Variants in SEC23A observed in about 807,000 individuals in gnomAD.
The protein encoded by SEC23A is SEC23 homolog A, COPII component.
In SEC23A, 56 loss-of-function variants were observed where a neutral mutation model predicts 103.7. The ratio of observed to expected loss-of-function variants is 0.54; its 90% CI spans 0.44 to 0.67. The LOEUF is 0.67. Ranked by LOEUF, SEC23A falls within the 30% of genes least tolerant of loss-of-function variation. The pLI is 0.00. For synonymous variants in SEC23A, 281 were observed against 293.0 expected, an observed-to-expected ratio of 0.96 and a Z score of 0.42; for missense variants, 784 against 936.4, an observed-to-expected ratio of 0.84 and a Z score of 2.12.
At chr14:39,093,273 C>T (rs1234547797) in intron 2 of SEC23A, 29 bp from the exon 3 acceptor site, 1 of 1,573,504 alleles carries the variant, frequency 6.4e-7, no homozygotes, top group Admixed American at 1.7e-5. Context: ...AAAGACATAT[C>T]AGTTCATATT....
At chr14:39,073,641 ACT>A (rs751793526) in intron 9 of SEC23A, among the ~76,000 whole-genome samples, 1 of 130,818 alleles carries the variant, frequency 7.6e-6, no homozygotes, top group South Asian at 2.5e-4. Context: ...ACGGAGTCTA[ACT>A]CTATCGCCAA....
chr14:39,051,068 T>A (rs1886041494), intron 14 of SEC23A, among the ~76,000 whole-genome samples: 1 of 152,234 alleles, frequency 6.6e-6, no homozygotes, highest in South Asian at 2.1e-4. Context: ...GTTAATACTG[T>A]TTAGGTATTA....
Position 39,092,524 on chromosome 14 carries a change from TGTTCTTAG to T in SEC23A, c.366+9_366+16del. On this transcript the variant is annotated intron_variant, in intron 4 of 19. Transcript: ENST00000307712. ...AAATTTTAAAACTTTCTTAAATATT[TGTTCTTAG>T]GTTCTTACCAGAACTACATATTCAA... is the stretch of plus-strand genomic sequence containing the variant. 6.9e-7 allele frequency: 1 copy of T among 1,456,690 alleles called. No individual in the cohort carries two copies. The highest frequency in any genetic ancestry group is 1.2e-5 in the South Asian group (1 of 83,942). The allele number at this position is 1,456,690 out of a possible 1,614,324, so 90.2% of individuals were successfully genotyped here. A position where few individuals can be genotyped will look rare whatever the true frequency, so the allele number is the denominator to read the frequency against.
At chr14:39,067,100 A>G in intron 10 of SEC23A, 73 bp downstream of exon 10, 2 of 1,554,924 alleles carry the variant, frequency 1.3e-6, no homozygotes, top group East Asian at 2.3e-5. Flanking sequence ...GATTAATGGC[A>G]TTTTAGAATT....
rs1566515353 is a variant in SEC23A at position 39,094,438 on chromosome 14, ATATAT to A, written c.222-1199_222-1195del. The stretch of plus-strand genomic sequence containing the variant: ...TATATATATATATATATATATATAT[ATATAT>A]TTTTTTTTTTTTTTTTTCCCCTCCT... On this transcript the variant is annotated intron_variant, in intron 2 of 19. Coordinates refer to ENST00000307712, the MANE Select transcript of SEC23A (RefSeq NM_006364.4). Among the ~76,000 whole-genome samples, 22 of 15,670 alleles carry A rather than the reference ATATAT, an allele frequency of 1.4e-3. 3 individuals carry two copies. The highest frequency in any genetic ancestry group is 5.7e-3 in the South Asian group (3 of 522). 10.3% of individuals were successfully genotyped at this position (15,670 alleles called of 152,430 possible). A position where few individuals can be genotyped will look rare whatever the true frequency, so the allele number is the denominator to read the frequency against.
In SEC23A at chr14:39,103,045, G is replaced by A. The variant is rs925889549; in HGVS notation, c.-35C>T. 6.5e-6 allele frequency: 1 copy of A among 153,092 alleles called. No homozygotes were observed. The highest frequency in any genetic ancestry group is 2.4e-5 in the African/African-American group (1 of 41,570). The allele number at this position is 153,092 out of a possible 1,614,324, so 9.5% of individuals were successfully genotyped here. A position where few individuals can be genotyped will look rare whatever the true frequency, so the allele number is the denominator to read the frequency against. ...CCCGCTGCGCACCTGCGGTCCCCCA[G>A]GAGCGGAGACGAGGCGGCCCTTTCC... On this transcript the variant is annotated 5_prime_UTR_variant, in exon 1 of 20. Coordinates refer to ENST00000307712, the MANE Select transcript of SEC23A (RefSeq NM_006364.4).
intron 7 of SEC23A, among the ~76,000 whole-genome samples, chr14:39,081,199 C>A (rs1310111429): frequency 6.7e-6 from 1 of 148,756 alleles, no homozygotes; most frequent in East Asian, 2.0e-4. Flanking sequence ...GCAACAGAGG[C>A]TCTGTTTAAA....
intron 13 of SEC23A, among the ~76,000 whole-genome samples, chr14:39,057,400 G>A (rs1886285527): frequency 6.6e-6 from 1 of 152,100 alleles, no homozygotes. Context: ...CACCCAAGCT[G>A]GAATGAAGTG....
chr14:39,051,918 G>A (rs1343521251), intron 14 of SEC23A, among the ~76,000 whole-genome samples: 1 of 151,472 alleles, frequency 6.6e-6, no homozygotes, highest in Non-Finnish European at 1.5e-5. Flanking sequence ...AGTGAGCCGA[G>A]ATCGTGCCAC....
At chr14:39,046,297 C>T (rs777215982) in intron 15 of SEC23A, among the ~76,000 whole-genome samples, 2 of 151,964 alleles carry the variant, frequency 1.3e-5, no homozygotes, top group Non-Finnish European at 2.9e-5. Context: ...GGTGAAACCC[C>T]GTCTCTACTA....
Position 39,055,241 on chromosome 14 carries a change from C to T in SEC23A, c.1561G>A (p.Ala521Thr). 2 of 1,614,138 alleles carry T rather than the reference C, an allele frequency of 1.2e-6. No homozygotes were observed. Among genetic ancestry groups the T allele is most frequent in the Non-Finnish European group, 1.7e-6 (2 of 1,180,022 alleles). ...AGCCGGGCCATAAGAATGGCAGCTG[C>T]CTCCTGGTCAAAAGATGCAGCAATG... ...QNIAASFDQE[A>T]AAILMARLAI... Residue 521 changes from alanine to threonine, a missense_variant, in exon 14 of 20, where the codon GCA (alanine) becomes ACA (threonine). Around this residue, in one of 2 missense-constraint regions of SEC23A, gnomAD observed 683 missense variants for 774.2 expected, o/e 0.88. Transcript: ENST00000307712.
rs1238102865 is a variant in SEC23A at position 39,057,032 on chromosome 14, G to A, written c.1506-1736C>T. ...GGGAAACAGCAAGACCCTATCTCTA[G>A]GCTGGTTGCGGTGGCTCACACCTGT... On this transcript the variant is annotated intron_variant, in intron 13 of 19. Coordinates refer to ENST00000307712, the MANE Select transcript of SEC23A (RefSeq NM_006364.4). 3.9e-5 allele frequency among the ~76,000 whole-genome samples: 6 copies of A among 152,258 alleles called. No individual in the cohort carries two copies. The South Asian group carries it at 8.3e-4, about 21-fold the overall frequency.
At chr14:39,068,478 GT>G (rs1347859044) in intron 9 of SEC23A, among the ~76,000 whole-genome samples, 3 of 152,096 alleles carry the variant, frequency 2.0e-5, no homozygotes, top group African/African-American at 4.8e-5. Context: ...AACAACAAAA[GT>G]TTTTTTCCTT....
At chr14:39,045,969 C>T (rs1471329610) in intron 15 of SEC23A, among the ~76,000 whole-genome samples, 1 of 152,156 alleles carries the variant, frequency 6.6e-6, no homozygotes, top group Admixed American at 6.6e-5. Context: ...AAGGCAGGGC[C>T]AGATGGAGGG....
chr14:39,101,743 T>C (rs1317936846), intron 1 of SEC23A, among the ~76,000 whole-genome samples: 1 of 152,232 alleles, frequency 6.6e-6, no homozygotes, highest in East Asian at 1.9e-4. Flanking sequence ...TTCCTTCCAA[T>C]TACATGTATT....
At position 39,095,592 on chromosome 14, in the gene SEC23A, C is replaced by T. The variant is rs1240989052; in HGVS notation, c.221+306G>A. Among the ~76,000 whole-genome samples the T allele has an allele frequency of 3.9e-5, 6 of 152,256 alleles. No individual in the cohort carries two copies. In the Middle Eastern group the frequency reaches 0.01, roughly 259 times the overall value. On this transcript the variant is annotated intron_variant, in intron 2 of 19. Transcript: ENST00000307712. ...GATTACAGGCATGAGCCACCACGCCCGGCCAATTATGACTTATCTAATGAT... is the reference window on the plus strand; with the variant it reads ...GATTACAGGCATGAGCCACCACGCCTGGCCAATTATGACTTATCTAATGAT...
rs545500721 is a variant in SEC23A, at chr14:39,094,980, A to C, written c.221+918T>G. 12 of 699,056 alleles carry C rather than the reference A, an allele frequency of 1.7e-5. 1 individual carries two copies. The highest frequency in any genetic ancestry group is 1.3e-4 in the South Asian group (9 of 66,800). 43.3% of individuals were successfully genotyped at this position (699,056 alleles called of 1,614,324 possible). A position where few individuals can be genotyped will look rare whatever the true frequency, so the allele number is the denominator to read the frequency against. ...GGAAGATGTTCATCATCTGATTTTC[A>C]TTCATAAAACTCTAGCTTCTGGGTA... On this transcript the variant is annotated intron_variant, in intron 2 of 19. Transcript: ENST00000307712.
At position 39,074,494 on chromosome 14, in the gene SEC23A, C is replaced by T. The variant is rs1357792119; in HGVS notation, c.1024G>A (p.Gly342Ser). The change falls in exon 9 of 20, where the codon GGC (glycine) becomes AGC (serine). Residue 342 changes from glycine (G) to serine (S), a missense_variant. Coordinates refer to ENST00000307712, the MANE Select transcript of SEC23A (RefSeq NM_006364.4). ...CACGCATAGATATCAATAACATGGC[C>T]AGTTGTAGCAGCTCGATTAGCCAAT... ...EALANRAATT[G>S]HVIDIYACAL... The T allele has an allele frequency of 1.9e-6, 3 of 1,613,084 alleles. No individual in the cohort carries two copies. Among genetic ancestry groups the T allele is most frequent in the South Asian group, 1.1e-5 (1 of 91,018 alleles).
intron 18 of SEC23A, chr14:39,040,105 T>C (rs568601657): frequency 6.6e-6 from 1 of 152,284 alleles, no homozygotes; most frequent in Non-Finnish European, 1.5e-5. Context: ...ATTAATTTAT[T>C]ATAACTCTTA....
Sources: allele counts gnomAD v4.1 joint callset (sites outside exome capture counted in the v4.1 genomes callset), GRCh38; gene constraint gnomAD v4.1.1; regional missense constraint gnomAD v4.1.1; transcripts MANE v1.5; gene names NCBI Gene and HGNC (gene_info 2026-07-23, HGNC 2026-07-21).